Variants in ST6GALNAC3 observed in about 807,000 individuals in gnomAD.
ST6GALNAC3 encodes ST6 N-acetylgalactosaminide alpha-2,6-sialyltransferase 3.
Under a neutral mutation model 32.7 loss-of-function variants are expected in ST6GALNAC3, and 25 were observed. That is an observed-to-expected ratio of 0.76 (90% CI 0.56 to 1.07). The LOEUF (loss-of-function observed/expected upper bound fraction) is 1.07. ST6GALNAC3 is among the 50% of genes least tolerant of loss of function. The pLI, the probability that ST6GALNAC3 is intolerant of heterozygous loss-of-function variation, is 0.00. For missense variants in ST6GALNAC3, 355 were observed against 382.4 expected, an observed-to-expected ratio of 0.93 and a Z score of 0.60; for synonymous variants, 129 against 133.1, an observed-to-expected ratio of 0.97 and a Z score of 0.21.
chr1:76,238,712 A>G (rs1339854877), intron 1 of ST6GALNAC3, among the ~76,000 whole-genome samples: 1 of 152,156 alleles, frequency 6.6e-6, no homozygotes, highest in Non-Finnish European at 1.5e-5. Context: ...TTGGACTTCA[A>G]TTATACAGTA....
chr1:76,291,114 A>G (rs1470774877), intron 1 of ST6GALNAC3, among the ~76,000 whole-genome samples: 1 of 152,234 alleles, frequency 6.6e-6, no homozygotes, highest in African/African-American at 2.4e-5. Context: ...GGATGTTCTA[A>G]GTGACCGCCA....
At chr1:76,084,541 A>T (rs1021002608) in intron 1 of ST6GALNAC3, among the ~76,000 whole-genome samples, 2 of 152,112 alleles carry the variant, frequency 1.3e-5, no homozygotes, top group Admixed American at 1.3e-4. Context: ...CACATATGGG[A>T]GCAATTTAAA....
intron 3 of ST6GALNAC3, among the ~76,000 whole-genome samples, chr1:76,624,642 A>G (rs1201215157): frequency 6.6e-6 from 1 of 151,082 alleles, no homozygotes. Context: ...CCTAATTATG[A>G]TTTTTTTTTC....
At chr1:76,573,234 G>A (rs148863808) in intron 3 of ST6GALNAC3, among the ~76,000 whole-genome samples, 65 of 152,210 alleles carry the variant, frequency 4.3e-4, no homozygotes, top group African/African-American at 1.5e-3. Flanking sequence ...GCTGGCAAGT[G>A]GAACTACCTT....
intron 2 of ST6GALNAC3, among the ~76,000 whole-genome samples, chr1:76,327,853 G>A (rs1570841042): frequency 1.3e-5 from 2 of 152,098 alleles, no homozygotes; most frequent in Admixed American, 1.3e-4. Context: ...GCCTCTCAAA[G>A]TGTTGGGATT....
intron 3 of ST6GALNAC3, among the ~76,000 whole-genome samples, chr1:76,442,933 G>C (rs1409514951): frequency 1.3e-5 from 2 of 152,186 alleles, no homozygotes; most frequent in African/African-American, 4.8e-5. Context: ...GATCAAAATG[G>C]TCTCCTACTG....
chr1:76,334,456 C>T (rs545124585), intron 2 of ST6GALNAC3, among the ~76,000 whole-genome samples: 71 of 152,304 alleles, frequency 4.7e-4, no homozygotes, highest in Admixed American at 9.1e-4. Context: ...ATGCATACTA[C>T]ATGCAGAATG....
chr1:76,484,253 G>A (rs1285824946), intron 3 of ST6GALNAC3, among the ~76,000 whole-genome samples: 1 of 152,138 alleles, frequency 6.6e-6, no homozygotes. Context: ...TTCCAATTCT[G>A]TGAAGAAAGT....
intron 2 of ST6GALNAC3, among the ~76,000 whole-genome samples, chr1:76,318,975 A>G (rs2100914690): frequency 6.6e-6 from 1 of 152,236 alleles, no homozygotes; most frequent in Non-Finnish European, 1.5e-5. Context: ...GGACTCAGTC[A>G]TTGTGTTGTC....
intron 1 of ST6GALNAC3, among the ~76,000 whole-genome samples, chr1:76,275,158 C>T (rs187898148): frequency 2.0e-5 from 3 of 152,242 alleles, no homozygotes; most frequent in Non-Finnish European, 4.4e-5. Context: ...AGATTCATTG[C>T]AGGACTTTAA....
intron 3 of ST6GALNAC3, among the ~76,000 whole-genome samples, chr1:76,476,106 G>A (rs1446878373): frequency 2.6e-5 from 4 of 152,074 alleles, no homozygotes; most frequent in Admixed American, 2.0e-4. Flanking sequence ...TCATTGATGG[G>A]CATTTGGGTC....
chr1:76,228,143 T>G (rs916239835), intron 1 of ST6GALNAC3, among the ~76,000 whole-genome samples: 4 of 152,184 alleles, frequency 2.6e-5, no homozygotes, highest in African/African-American at 9.7e-5. Flanking sequence ...GGATAAATTT[T>G]CCTATTGAAA....
chr1:76,268,825 C>T (rs1423965338), intron 1 of ST6GALNAC3, among the ~76,000 whole-genome samples: 3 of 152,118 alleles, frequency 2.0e-5, no homozygotes, highest in Non-Finnish European at 4.4e-5. Flanking sequence ...ACGATGTACC[C>T]ACCTTCCGTG....
intron 1 of ST6GALNAC3, among the ~76,000 whole-genome samples, chr1:76,131,301 G>A (rs979245157): frequency 1.3e-5 from 2 of 152,194 alleles, no homozygotes; most frequent in Non-Finnish European, 2.9e-5. Context: ...TCTTCAGTGG[G>A]ATCCACAAAG....
At chr1:76,539,942 G>A (rs895761025) in intron 3 of ST6GALNAC3, among the ~76,000 whole-genome samples, 6 of 152,206 alleles carry the variant, frequency 3.9e-5, no homozygotes, top group African/African-American at 9.6e-5. Flanking sequence ...GTGGAAGACA[G>A]TATGGTGATT....
At chr1:76,496,279 G>T (rs540655188) in intron 3 of ST6GALNAC3, among the ~76,000 whole-genome samples, 1 of 152,262 alleles carries the variant, frequency 6.6e-6, no homozygotes, top group Admixed American at 6.5e-5. Flanking sequence ...CTGCTTGTTA[G>T]TTATCACACG....
At chr1:76,350,362 A>G (rs1403089484) in intron 2 of ST6GALNAC3, among the ~76,000 whole-genome samples, 1 of 152,144 alleles carries the variant, frequency 6.6e-6, no homozygotes, top group East Asian at 1.9e-4. Context: ...TTAAATAGGT[A>G]AACTTTATCA....
intron 1 of ST6GALNAC3, among the ~76,000 whole-genome samples, chr1:76,266,716 C>T (rs1658547193): frequency 6.6e-6 from 1 of 152,152 alleles, no homozygotes; most frequent in South Asian, 2.1e-4. Flanking sequence ...TTCCACTTGC[C>T]ACCCTTTCTG....
intron 3 of ST6GALNAC3, among the ~76,000 whole-genome samples, chr1:76,499,270 AG>A (rs1338152914): frequency 6.6e-6 from 1 of 152,196 alleles, no homozygotes; most frequent in Non-Finnish European, 1.5e-5. Flanking sequence ...CTTTTCCGGA[AG>A]GGAATTGGCA....
Sources: gnomAD v4.1 joint callset for allele counts (sites outside exome capture counted in the v4.1 genomes callset) on GRCh38, gnomAD v4.1.1 for gene constraint, MANE v1.5 for transcripts, NCBI Gene and HGNC (gene_info 2026-07-23, HGNC 2026-07-21) for gene names.